Variants in PLD1 observed in about 807,000 individuals in gnomAD.
PLD1 encodes choline phosphatase 1.
PLD1 carries 112 observed loss-of-function variants against 137.1 expected under a neutral mutation model. That is an observed-to-expected ratio of 0.82 (90% CI 0.70 to 0.96). The LOEUF (loss-of-function observed/expected upper bound fraction) is 0.96. PLD1 is among the 40% of genes least tolerant of loss of function. The pLI is 0.00. For synonymous variants in PLD1, 431 were observed against 454.7 expected, an observed-to-expected ratio of 0.95 and a Z score of 0.66; for missense variants, 1,321 against 1,342.0, an observed-to-expected ratio of 0.98 and a Z score of 0.24.
In PLD1 at chr3:171,712,501, G is replaced by GAA. The variant is rs1717342638; in HGVS notation, c.911+1390_911+1391dup. ...AGAACTATTCCAAACATGGACATAA[G>GAA]AAAAGCAAAGGGAAAGAGGCAAGAA... On this transcript the variant is annotated intron_variant, in intron 9 of 26. Transcript: ENST00000351298. 2.0e-5 allele frequency among the ~76,000 whole-genome samples: 3 copies of GAA among 152,266 alleles called. No homozygotes were observed. The South Asian group carries it at 6.2e-4, about 32-fold the overall frequency.
chr3:171,629,849 T>C (rs944561630), intron 23 of PLD1, among the ~76,000 whole-genome samples: 2 of 152,168 alleles, frequency 1.3e-5, no homozygotes, highest in East Asian at 1.9e-4. Context: ...TTACACCTTA[T>C]ACAAAAATTA....
rs1227232296 is a variant in PLD1 at position 171,612,168 on chromosome 3, T to C, written c.2882+111A>G. On this transcript the variant is annotated intron_variant, in intron 25 of 26. Transcript: ENST00000351298. This position sits in a 1 kb window ranked among gnomAD's most constrained non-coding sequence, Gnocchi z 4.1. ...TATCCTATATTCTGGGACACACTGTTTTAGATGAAGAAGAACCTAGGATGA... is the reference window on the plus strand; with the variant it reads ...TATCCTATATTCTGGGACACACTGTCTTAGATGAAGAAGAACCTAGGATGA... The C allele has an allele frequency of 2.2e-6, 2 of 909,342 alleles. No individual in the cohort carries two copies. The highest frequency in any genetic ancestry group is 3.3e-5 in the African/African-American group (2 of 60,900). The allele number at this position is 909,342 out of a possible 1,614,324, so 56.3% of individuals were successfully genotyped here. A position where few individuals can be genotyped will look rare whatever the true frequency, so the allele number is the denominator to read the frequency against.
intron 23 of PLD1, among the ~76,000 whole-genome samples, chr3:171,631,364 T>C (rs1184551663): frequency 6.6e-6 from 1 of 152,110 alleles, no homozygotes; most frequent in Admixed American, 6.6e-5. Context: ...AAAGGAGCTA[T>C]AAACATAAAA....
chr3:171,677,057 G>C (rs1221094039), intron 17 of PLD1, among the ~76,000 whole-genome samples: 2 of 152,204 alleles, frequency 1.3e-5, no homozygotes, highest in Non-Finnish European at 2.9e-5. Context: ...TTTCACTTAG[G>C]ATTAGATAAT....
intron 26 of PLD1, 26 bp downstream of exon 26, chr3:171,605,273 G>A (rs202106318): frequency 1.2e-4 from 143 of 1,196,164 alleles, no homozygotes; most frequent in Non-Finnish European, 1.3e-4. Context: ...GAAAAGAAAC[G>A]GAGGAGGGGA....
chr3:171,618,637 T>C (rs1733312821), intron 24 of PLD1, among the ~76,000 whole-genome samples: 1 of 152,064 alleles, frequency 6.6e-6, no homozygotes, highest in Non-Finnish European at 1.5e-5. Context: ...ATAAATAAAC[T>C]CCTAAAGAGC....
chr3:171,603,081 A>G lies in PLD1; in HGVS notation c.3222T>C (p.Thr1074=). 2 of 1,609,396 alleles carry G rather than the reference A, an allele frequency of 1.2e-6. No homozygotes were observed. Reference sequence around the variant, plus strand: ...TTGAGCTGCCAATGAATATCTCTTAAGTCCAAACCTCCATGGGCACTATGG... The same window carrying G: ...TTGAGCTGCCAATGAATATCTCTTAGGTCCAAACCTCCATGGGCACTATGG... The part of the protein sequence containing the change: ...KEAIVPMEVW[T] The change falls in exon 27 of 27, where the codon ACT becomes ACC. Residue 1074 remains threonine (T), a synonymous_variant. Transcript: ENST00000351298.
At chr3:171,764,479 C>A (rs1172932743) in intron 1 of PLD1, among the ~76,000 whole-genome samples, 1 of 152,084 alleles carries the variant, frequency 6.6e-6, no homozygotes, top group African/African-American at 2.4e-5. Flanking sequence ...AAGGTCACAA[C>A]TAATAAGCAA....
intron 1 of PLD1, among the ~76,000 whole-genome samples, chr3:171,766,232 G>T (rs1721965741): frequency 1.3e-5 from 2 of 152,100 alleles, no homozygotes; most frequent in African/African-American, 4.8e-5. Flanking sequence ...TAAGAGTAAT[G>T]TTAGTCTACT....
At position 171,612,193 on chromosome 3, in the gene PLD1, A is replaced by T; in HGVS notation, c.2882+86T>A. 1 of 1,187,164 alleles carries T rather than the reference A, an allele frequency of 8.4e-7. No homozygotes were observed. Among genetic ancestry groups the T allele is most frequent in the South Asian group, 1.4e-5 (1 of 71,484 alleles). 73.5% of individuals were successfully genotyped at this position (1,187,164 alleles called of 1,614,324 possible). ...TTTAGATGAAGAAGAACCTAGGATG[A>T]CCCATGTGCTCAGGGCTAGCGGGGC... On this transcript the variant is annotated intron_variant, in intron 25 of 26. Transcript: ENST00000351298. The surrounding 1 kb of genome is among the most constrained non-coding windows in gnomAD (Gnocchi z 4.1).
chr3:171,698,325 A>G (rs534093941), intron 12 of PLD1, among the ~76,000 whole-genome samples: 1 of 152,380 alleles, frequency 6.6e-6, no homozygotes, highest in South Asian at 2.1e-4. Flanking sequence ...CAGAATCAAA[A>G]TGTCCAATTC....
At chr3:171,785,585 C>T (rs1293730494) in intron 1 of PLD1, among the ~76,000 whole-genome samples, 4 of 152,084 alleles carry the variant, frequency 2.6e-5, no homozygotes, top group African/African-American at 9.7e-5. Flanking sequence ...ATTACAGGCA[C>T]GTGCCACCAC....
chr3:171,686,307 G>T (rs1714552686), intron 16 of PLD1, among the ~76,000 whole-genome samples: 1 of 152,026 alleles, frequency 6.6e-6, no homozygotes, highest in African/African-American at 2.4e-5. Context: ...TCCCTCACTT[G>T]CAATGACTTC....
intron 11 of PLD1, among the ~76,000 whole-genome samples, chr3:171,703,671 A>C (rs1311105847): frequency 6.6e-6 from 1 of 152,232 alleles, no homozygotes; most frequent in African/African-American, 2.4e-5. Context: ...ATTACATAAG[A>C]GCTAAATAAG....
intron 1 of PLD1, chr3:171,793,942 G>C (rs1467827565): frequency 2.6e-5 from 4 of 152,160 alleles, no homozygotes; most frequent in African/African-American, 7.2e-5. Flanking sequence ...TCATGAGTTT[G>C]AGACCAGCCT....
chr3:171,603,026 T>G lies in PLD1; in HGVS notation c.*52A>C. On this transcript the variant is annotated 3_prime_UTR_variant, in exon 27 of 27. Coordinates refer to ENST00000351298, the MANE Select transcript of PLD1 (RefSeq NM_002662.5). ...CTATGACATCCCCAGGAAGTCACTGTGTGCAGTGTGGTCTCCAGGGTGGAA... is the reference window on the plus strand; with the variant it reads ...CTATGACATCCCCAGGAAGTCACTGGGTGCAGTGTGGTCTCCAGGGTGGAA... 1 of 1,302,790 alleles carries G rather than the reference T, an allele frequency of 7.7e-7. No individual in the cohort carries two copies. 80.7% of individuals were successfully genotyped at this position (1,302,790 alleles called of 1,614,324 possible).
chr3:171,744,473 C>A (rs552069334), intron 1 of PLD1, among the ~76,000 whole-genome samples: 201 of 152,298 alleles, frequency 1.3e-3, no homozygotes, highest in African/African-American at 4.8e-3. Flanking sequence ...CACATCTAGT[C>A]TGATCTCAGG....
chr3:171,650,901 C>CA (rs769225505), intron 21 of PLD1, among the ~76,000 whole-genome samples: 2,854 of 135,368 alleles, frequency 0.021, 66 homozygotes, highest in East Asian at 0.077. Flanking sequence ...GAATCCGTCT[C>CA]AAAAAAAAAA....
chr3:171,639,167 AAATATAT>A (rs1310605400), intron 23 of PLD1, among the ~76,000 whole-genome samples: 1 of 146,342 alleles, frequency 6.8e-6, no homozygotes, highest in Non-Finnish European at 1.5e-5. Flanking sequence ...ATAGATATAT[AAATATAT>A]AATATATAAT....
Sources: gnomAD v4.1 joint callset for allele counts (sites outside exome capture counted in the v4.1 genomes callset) on GRCh38, gnomAD v4.1.1 for gene constraint, Gnocchi (gnomAD v3.1) non-coding constraint, MANE v1.5 for transcripts, NCBI Gene and HGNC (gene_info 2026-07-23, HGNC 2026-07-21) for gene names.